COBL: variants seen among roughly 807,000 people sequenced by gnomAD.
COBL encodes cordon-bleu WH2 repeat protein.
A neutral mutation model predicts 98.8 loss-of-function variants in COBL; 51 were observed. The observed-to-expected ratio is 0.52, with a 90% CI of 0.41 to 0.65. The LOEUF is 0.65. COBL is among the 30% of genes least tolerant of loss of function. COBL has a pLI of 0.00. For synonymous variants in COBL, 634 were observed against 651.7 expected, an observed-to-expected ratio of 0.97 and a Z score of 0.41; for missense variants, 1,617 against 1,617.5, an observed-to-expected ratio of 1.00 and a Z score of 0.01.
chr7:51,181,729 A>AACG, intron 5 of COBL, among the ~76,000 whole-genome samples: 1 of 152,158 alleles, frequency 6.6e-6, no homozygotes, highest in Non-Finnish European at 1.5e-5. Context: ...ATCCACAGAG[A>AACG]GGACTCGATC....
At chr7:51,293,880 A>G (rs1269654711) in intron 1 of COBL, among the ~76,000 whole-genome samples, 1 of 152,038 alleles carries the variant, frequency 6.6e-6, no homozygotes, top group Admixed American at 6.6e-5. Context: ...TGGGTCACGC[A>G]CAGTGCTCCC....
At chr7:51,160,618 G>A (rs1197918474) in intron 5 of COBL, among the ~76,000 whole-genome samples, 2 of 152,142 alleles carry the variant, frequency 1.3e-5, no homozygotes, top group Admixed American at 6.5e-5. Flanking sequence ...TAAGAATGCT[G>A]GGTGCTGGTG....
chr7:51,185,286 C>T (rs976280674), intron 4 of COBL, among the ~76,000 whole-genome samples: 4 of 152,198 alleles, frequency 2.6e-5, no homozygotes, highest in African/African-American at 4.8e-5. Flanking sequence ...GAATAAGAAA[C>T]GCTGGGTGCA....
chr7:51,024,966 GAC>G, intron 12 of COBL, 141 bp downstream of exon 12: 1 of 1,121,614 alleles, frequency 8.9e-7, no homozygotes, highest in East Asian at 2.4e-5. Flanking sequence ...ACATGTGAGA[GAC>G]ACAGTGACGC....
intron 6 of COBL, among the ~76,000 whole-genome samples, chr7:51,095,857 G>A (rs187267329): frequency 3.9e-5 from 6 of 152,180 alleles, no homozygotes; most frequent in East Asian, 3.9e-4. Flanking sequence ...AAATACATGC[G>A]CATCTACCAG....
intron 7 of COBL, chr7:51,083,155 T>TGGGGGGGGGGGGGGGGGG: frequency 3.3e-6 from 2 of 605,146 alleles, no homozygotes; most frequent in Non-Finnish European, 4.6e-6. Flanking sequence ...AGGGCGGGGG[T>TGGGGGGGGGGGGGGGGGG]GGGGGAAGCA....
rs749741240 is a variant in COBL at position 51,028,459 on chromosome 7, T to A, written c.2637A>T (p.Pro879=). Residue 879 remains proline (P), a synonymous_variant, in exon 10 of 13, where the codon CCA becomes CCT. Coordinates refer to ENST00000265136, the MANE Select transcript of COBL (RefSeq NM_015198.5). ...ASAIAKRIGA[P]KVHADVVRPH... The stretch of plus-strand genomic sequence containing the variant: ...GCCTCACCACATCAGCATGGACTTT[T>A]GGGGCTCCTATGCGCTTGGCAATGG... The A allele has an allele frequency of 6.2e-7, 1 of 1,614,276 alleles. No homozygotes were observed. Among genetic ancestry groups the A allele is most frequent in the East Asian group, 2.2e-5 (1 of 44,884 alleles).
chr7:51,094,288 A>T (rs1022722179), intron 6 of COBL, among the ~76,000 whole-genome samples: 12 of 152,148 alleles, frequency 7.9e-5, no homozygotes, highest in African/African-American at 2.2e-4. Flanking sequence ...GTTAAACTGG[A>T]GGAATAAGTT....
chr7:51,026,515 C>T (rs1366652131), intron 11 of COBL, 31 bp downstream of exon 11: 4 of 1,608,920 alleles, frequency 2.5e-6, no homozygotes, highest in South Asian at 2.2e-5. Flanking sequence ...GTTTGAGCTC[C>T]TGGCGCCATG....
chr7:51,140,892 C>A (rs983350878), intron 5 of COBL, among the ~76,000 whole-genome samples: 1 of 152,154 alleles, frequency 6.6e-6, no homozygotes, highest in Admixed American at 6.5e-5. Flanking sequence ...ACGTAAACAT[C>A]CCTATTTCGA....
chr7:51,065,968 C>T (rs1020649467), intron 7 of COBL, among the ~76,000 whole-genome samples: 2 of 152,190 alleles, frequency 1.3e-5, no homozygotes, highest in Non-Finnish European at 2.9e-5. Flanking sequence ...TCAGGAGAAA[C>T]CAACCCTGCC....
rs1476451464 is a variant in COBL at position 51,316,640 on chromosome 7, G to A, written c.-7C>T. The A allele has an allele frequency of 2.1e-5, 25 of 1,196,232 alleles. No homozygotes were observed. The highest frequency in any genetic ancestry group is 2.4e-5 in the Non-Finnish European group (23 of 964,886). 74.1% of individuals were successfully genotyped at this position (1,196,232 alleles called of 1,614,324 possible). On this transcript the variant is annotated 5_prime_UTR_variant, in exon 1 of 13. Coordinates refer to ENST00000265136, the MANE Select transcript of COBL (RefSeq NM_015198.5). ...AGGCGCGCGGCGCGTCCATGGTGCC[G>A]GGGGCCGGGACGCGGGCGGTGCTCC...
intron 1 of COBL, among the ~76,000 whole-genome samples, chr7:51,251,180 T>C (rs1296532874): frequency 6.6e-6 from 1 of 152,128 alleles, no homozygotes; most frequent in Non-Finnish European, 1.5e-5. Context: ...AACCTGCAAA[T>C]TAGAACACGT....
intron 2 of COBL, among the ~76,000 whole-genome samples, chr7:51,218,141 T>A (rs574342519): frequency 3.3e-5 from 5 of 152,330 alleles, no homozygotes; most frequent in South Asian, 4.1e-4. Flanking sequence ...ACAGTTCCAA[T>A]CCTAGGTATA....
At chr7:51,144,165 G>A (rs1784810695) in intron 5 of COBL, among the ~76,000 whole-genome samples, 1 of 152,192 alleles carries the variant, frequency 6.6e-6, no homozygotes, top group African/African-American at 2.4e-5. Context: ...GAACAACTAA[G>A]CCGGTTAGGG....
chr7:51,109,225 T>C (rs1796612790), intron 6 of COBL, among the ~76,000 whole-genome samples: 1 of 149,376 alleles, frequency 6.7e-6, no homozygotes, highest in East Asian at 1.9e-4. Flanking sequence ...CTTCTCTTCA[T>C]CTCTGGTTTT....
chr7:51,027,820 C>A lies in COBL; in HGVS notation c.3276G>T (p.Lys1092Asn). 1 of 1,614,220 alleles carries A rather than the reference C, an allele frequency of 6.2e-7. No homozygotes were observed. The highest frequency in any genetic ancestry group is 1.1e-5 in the South Asian group (1 of 91,090). ...SIWPPSIFGP[K>N]KKFKPVVQRP... The stretch of plus-strand genomic sequence containing the variant: ...TCTGGACAACAGGTTTGAATTTTTT[C>A]TTCGGCCCAAAAATGCTGGGTGGCC... Residue 1092 changes from lysine to asparagine, a missense_variant, in exon 10 of 13, where the codon AAG (lysine) becomes AAT (asparagine). Transcript: ENST00000265136.
intron 7 of COBL, among the ~76,000 whole-genome samples, chr7:51,084,232 G>A (rs981454551): frequency 1.3e-5 from 2 of 152,152 alleles, no homozygotes; most frequent in African/African-American, 4.8e-5. Context: ...AAACTGCCAA[G>A]GCAGCCACTT....
rs144297182 is a variant in COBL, at chr7:51,112,070, T to C, written c.957+24088A>G. ...CAAGTCCAGGCAATTTTCAGGTGGA[T>C]GTCTATTTCTATTTTTACTAAAGAC... On this transcript the variant is annotated intron_variant, in intron 6 of 12. Transcript: ENST00000265136. Among the ~76,000 whole-genome samples, 46 of 152,046 alleles carry C rather than the reference T, an allele frequency of 3.0e-4. No homozygotes were observed. The East Asian group carries it at 8.7e-3, about 29-fold the overall frequency.
Sources: gnomAD v4.1 joint callset for allele counts (sites outside exome capture counted in the v4.1 genomes callset) on GRCh38, gnomAD v4.1.1 for gene constraint, MANE v1.5 for transcripts, NCBI Gene and HGNC (gene_info 2026-07-23, HGNC 2026-07-21) for gene names.